CDH17: variants seen among roughly 807,000 people sequenced by gnomAD.
CDH17 encodes the protein cadherin 17.
A neutral mutation model predicts 86.3 loss-of-function variants in CDH17; 67 were observed. The observed-to-expected ratio is 0.78, with a 90% CI of 0.64 to 0.95. CDH17 has a LOEUF of 0.95. Among genes scored for constraint, CDH17 ranks in the 40% least tolerant of loss-of-function variants. CDH17 has a pLI of 0.00. For synonymous variants in CDH17, 367 were observed against 366.4 expected (o/e 1.00, Z -0.02); for missense variants, 993 against 1,017.6 (o/e 0.98, Z 0.33).
intron 1 of CDH17, among the ~76,000 whole-genome samples, chr8:94,196,425 C>T (rs528979560): frequency 5.3e-5 from 8 of 152,096 alleles, no homozygotes; most frequent in East Asian, 1.9e-4. Flanking sequence ...CAGTAACAGG[C>T]GGGAAACAAT....
intron 1 of CDH17, among the ~76,000 whole-genome samples, chr8:94,199,090 T>A (rs868352920): frequency 7.6e-4 from 102 of 134,734 alleles, no homozygotes; most frequent in Non-Finnish European, 1.2e-3. Flanking sequence ...TATATTTTTT[T>A]TTTTTTATCA....
intron 15 of CDH17, among the ~76,000 whole-genome samples, chr8:94,143,126 A>C (rs1812670741): frequency 6.6e-6 from 1 of 152,220 alleles, no homozygotes; most frequent in Non-Finnish European, 1.5e-5. Flanking sequence ...GTATATCTTA[A>C]ATAATTTGAA....
At chr8:94,159,557 A>T (rs1001977218) in intron 12 of CDH17, among the ~76,000 whole-genome samples, 5 of 152,118 alleles carry the variant, frequency 3.3e-5, no homozygotes, top group African/African-American at 4.8e-5. Flanking sequence ...CCACTCCCAG[A>T]CCGTAAGAGT....
chr8:94,153,135 A>G (rs1180490014), intron 12 of CDH17, among the ~76,000 whole-genome samples: 1 of 152,338 alleles, frequency 6.6e-6, no homozygotes, highest in East Asian at 1.9e-4. Context: ...AAAAAGGATT[A>G]ATATAAAAAA....
chr8:94,193,693 C>G (rs1361058262), intron 2 of CDH17, among the ~76,000 whole-genome samples: 1 of 152,112 alleles, frequency 6.6e-6, no homozygotes, highest in Non-Finnish European at 1.5e-5. Context: ...TGATCCAGCC[C>G]TTCCACAATC....
chr8:94,200,756 G>C (rs59960318), intron 1 of CDH17, among the ~76,000 whole-genome samples: 1 of 151,450 alleles, frequency 6.6e-6, no homozygotes, highest in African/African-American at 2.4e-5. Context: ...CACAACAGAA[G>C]ACATGGGAAT....
chr8:94,166,101 T>A, intron 9 of CDH17, 125 bp from the exon 10 acceptor site: 3 of 646,626 alleles, frequency 4.6e-6, no homozygotes, highest in Non-Finnish European at 8.1e-6. Flanking sequence ...AGACAAATGC[T>A]CTTAGAGTTA....
chr8:94,197,823 T>C (rs1586024015), intron 1 of CDH17, among the ~76,000 whole-genome samples: 1 of 132,338 alleles, frequency 7.6e-6, no homozygotes, highest in Non-Finnish European at 1.6e-5. Context: ...GGAACGAGAC[T>C]CTGTCTAAAA....
chr8:94,206,730 C>T (rs763452029), intron 1 of CDH17, among the ~76,000 whole-genome samples: 1 of 150,408 alleles, frequency 6.6e-6, no homozygotes, highest in South Asian at 2.1e-4. Flanking sequence ...CAGCCTCAAC[C>T]TCCTGGGCTT....
At chr8:94,143,256 C>T (rs1812672587) in intron 15 of CDH17, among the ~76,000 whole-genome samples, 2 of 152,164 alleles carry the variant, frequency 1.3e-5, no homozygotes, top group Admixed American at 6.5e-5. Context: ...GGTGCATTGT[C>T]AATGAGCAGT....
chr8:94,164,330 T>C (rs1813114114), intron 10 of CDH17, among the ~76,000 whole-genome samples: 1 of 152,226 alleles, frequency 6.6e-6, no homozygotes, highest in African/African-American at 2.4e-5. Context: ...CTGACTCACA[T>C]GTCCGTCTCT....
At chr8:94,142,474 G>A (rs1812658746) in intron 15 of CDH17, among the ~76,000 whole-genome samples, 1 of 152,212 alleles carries the variant, frequency 6.6e-6, no homozygotes, top group African/African-American at 2.4e-5. Flanking sequence ...GCTGAAGGCT[G>A]GGATGGCTGT....
At chr8:94,166,023 A>G (rs1385405589) in intron 9 of CDH17, 47 bp from the exon 10 acceptor site, 1 of 1,107,494 alleles carries the variant, frequency 9.0e-7, no homozygotes, top group African/African-American at 1.6e-5. Context: ...GGCTCCACAT[A>G]ATCTATTAAA....
intron 9 of CDH17, among the ~76,000 whole-genome samples, chr8:94,166,734 C>T (rs73695138): frequency 0.022 from 3,302 of 152,166 alleles, 109 homozygotes; most frequent in African/African-American, 0.067. Context: ...GTGACAGGTG[C>T]CCCTATAAGA....
intron 3 of CDH17, among the ~76,000 whole-genome samples, chr8:94,182,240 A>G (rs1308882554): frequency 6.6e-6 from 1 of 152,140 alleles, no homozygotes; most frequent in East Asian, 1.9e-4. Flanking sequence ...ATTCTTCCAA[A>G]ACTAGAAGAG....
At chr8:94,136,406 T>C (rs1463152874) in intron 15 of CDH17, among the ~76,000 whole-genome samples, 4 of 152,196 alleles carry the variant, frequency 2.6e-5, no homozygotes, top group Non-Finnish European at 5.9e-5. Flanking sequence ...CAATCACTGA[T>C]ACACTTTCTT....
intron 1 of CDH17, chr8:94,202,688 G>A (rs1487544447): frequency 6.4e-6 from 1 of 156,058 alleles, no homozygotes; most frequent in Non-Finnish European, 1.4e-5. Context: ...TGACTGCAGA[G>A]TTTCTTGCGA....
chr8:94,202,317 G>A (rs1022500939), intron 1 of CDH17, among the ~76,000 whole-genome samples: 2 of 152,018 alleles, frequency 1.3e-5, no homozygotes, highest in South Asian at 4.2e-4. Flanking sequence ...TTACAGGTGT[G>A]TGCCACCATA....
chr8:94,131,534 TTTTAA>T (rs1436770436), intron 15 of CDH17, among the ~76,000 whole-genome samples: 8 of 152,340 alleles, frequency 5.3e-5, no homozygotes, highest in South Asian at 2.1e-4. Flanking sequence ...TGGACATTAC[TTTTAA>T]TTTGTGTCCC....
Sources: gnomAD v4.1 joint callset for allele counts (sites outside exome capture counted in the v4.1 genomes callset) on GRCh38, gnomAD v4.1.1 for gene constraint, MANE v1.5 for transcripts, NCBI Gene and HGNC (gene_info 2026-07-23, HGNC 2026-07-21) for gene names.